TANC2: variants seen among roughly 807,000 people sequenced by gnomAD.
TANC2 encodes protein TANC2.
In TANC2, 26 loss-of-function variants were observed where a neutral mutation model predicts 210.5. That is an observed-to-expected ratio of 0.12 (90% CI 0.09 to 0.17). TANC2 has a LOEUF of 0.17. Among genes scored for constraint, TANC2 ranks in the 10% least tolerant of loss-of-function variants. TANC2 has a pLI of 1.00. For missense variants in TANC2, 2,129 were observed against 2,608.9 expected (o/e 0.82, Z 4.01); for synonymous variants, 931 against 967.1 (o/e 0.96, Z 0.69).
chr17:63,074,187 T>C (rs2036496723), intron 3 of TANC2, among the ~76,000 whole-genome samples, 173 bp downstream of exon 3: 1 of 152,156 alleles, frequency 6.6e-6, no homozygotes, highest in African/African-American at 2.4e-5. Context: ...ATTCAAGATA[T>C]ATGAAAATTA....
chr17:63,226,973 G>A (rs779918420), intron 7 of TANC2, among the ~76,000 whole-genome samples: 1 of 152,118 alleles, frequency 6.6e-6, no homozygotes, highest in African/African-American at 2.4e-5. Context: ...TGGTGTATAT[G>A]TACCACATTT....
At chr17:63,175,158 C>T (rs1333753577) in intron 5 of TANC2, among the ~76,000 whole-genome samples, 11 of 152,050 alleles carry the variant, frequency 7.2e-5, no homozygotes, top group South Asian at 6.2e-4. Context: ...AAAAGGATAA[C>T]GAAGTTTAAA....
intron 9 of TANC2, among the ~76,000 whole-genome samples, chr17:63,292,640 G>A (rs72845246): frequency 0.14 from 21,531 of 152,140 alleles, 1,967 homozygotes; most frequent in Middle Eastern, 0.21. Context: ...CTCAAAAAGG[G>A]CCAATATGTT....
rs532060212 is a variant in TANC2 at position 63,316,327 on chromosome 17, A to G, written c.1441+1658A>G. On this transcript the variant is annotated intron_variant, in intron 10 of 27. Coordinates refer to ENST00000689528, the Ensembl canonical transcript of TANC2. ...CAAGCTCTCTGTGACTCCTCTGTAT[A>G]TCAGAGTTGCAGATAACAGAGTGGT... Among the ~76,000 whole-genome samples, 3 of 152,282 alleles carry G rather than the reference A, an allele frequency of 2.0e-5. No individual in the cohort carries two copies. In the South Asian group the frequency reaches 6.2e-4, roughly 32 times the overall value.
At chr17:63,009,543 A>T in exon 2 of TANC2, 1 of 1,609,484 alleles carries the variant, frequency 6.2e-7, no homozygotes, top group Non-Finnish European at 8.5e-7. Flanking sequence ...ACAGTTTTGC[A>T]GTAGAAGAGT....
intron 11 of TANC2, among the ~76,000 whole-genome samples, chr17:63,322,391 G>C (rs1024734928): frequency 2.6e-5 from 4 of 152,052 alleles, no homozygotes; most frequent in African/African-American, 9.7e-5. Flanking sequence ...CCAGCTACTC[G>C]GGAGGCTGAG....
chr17:63,173,811 A>C (rs551518398), intron 5 of TANC2, among the ~76,000 whole-genome samples: 1 of 152,300 alleles, frequency 6.6e-6, no homozygotes, highest in East Asian at 1.9e-4. Context: ...ACACAAAATA[A>C]ATTTTTTAAT....
intron 6 of TANC2, 53 bp downstream of exon 6, chr17:63,194,192 GCCAGAAATAATCCCAATTGTTGAATGC>G: frequency 6.5e-7 from 1 of 1,549,356 alleles, no homozygotes; most frequent in Admixed American, 1.9e-5. Context: ...AGCTTATTAT[GCCAGAAATAATCCCAATTGTTGAATGC>G]CTTTTGAGGC....
chr17:63,203,736 G>C (rs1346322685), intron 7 of TANC2, among the ~76,000 whole-genome samples: 1 of 152,048 alleles, frequency 6.6e-6, no homozygotes, highest in Non-Finnish European at 1.5e-5. Context: ...CAAAATCTTA[G>C]AGCACATTCA....
At chr17:63,118,081 A>G (rs2038321011) in intron 4 of TANC2, among the ~76,000 whole-genome samples, 1 of 152,202 alleles carries the variant, frequency 6.6e-6, no homozygotes, top group African/African-American at 2.4e-5. Context: ...GTTAGATTGC[A>G]ATTCCAGAAT....
chr17:63,043,277 T>C (rs1207426545), intron 2 of TANC2, among the ~76,000 whole-genome samples: 1 of 152,128 alleles, frequency 6.6e-6, no homozygotes, highest in Non-Finnish European at 1.5e-5. Flanking sequence ...CATAGTATAA[T>C]GCCCCATCAC....
chr17:63,371,328 T>C (rs1350350518), intron 14 of TANC2, among the ~76,000 whole-genome samples: 1 of 152,094 alleles, frequency 6.6e-6, no homozygotes, highest in Non-Finnish European at 1.5e-5. Context: ...GAGCCAGGCG[T>C]GGTGGCGTGC....
At chr17:63,015,562 G>A (rs1426236961) in intron 2 of TANC2, among the ~76,000 whole-genome samples, 2 of 151,812 alleles carry the variant, frequency 1.3e-5, no homozygotes, top group Non-Finnish European at 2.9e-5. Flanking sequence ...GTGAGAACAT[G>A]TGGTGTTTGG....
chr17:63,422,196 CCAA>C, exon 28 of TANC2: 1 of 463,256 alleles, frequency 2.2e-6, no homozygotes, highest in East Asian at 3.9e-5. Context: ...TCTTCAGATG[CCAA>C]CGAGGAGATT....
At chr17:63,273,307 A>C (rs897486398) in intron 9 of TANC2, among the ~76,000 whole-genome samples, 1 of 152,116 alleles carries the variant, frequency 6.6e-6, no homozygotes, top group Non-Finnish European at 1.5e-5. Flanking sequence ...TTAAAAAATT[A>C]TTGAGCTTAT....
At chr17:63,192,487 A>G (rs927681441) in intron 5 of TANC2, among the ~76,000 whole-genome samples, 5 of 152,218 alleles carry the variant, frequency 3.3e-5, no homozygotes, top group Non-Finnish European at 7.3e-5. Context: ...GCTATGAGCA[A>G]TATGCCTATT....
intron 8 of TANC2, among the ~76,000 whole-genome samples, chr17:63,260,761 CAA>C (rs745741190): frequency 4.7e-5 from 6 of 126,492 alleles, no homozygotes; most frequent in Admixed American, 1.6e-4. Context: ...GACCCTGTCT[CAA>C]AAAAAAAAAA....
chr17:63,120,870 A>G (rs537178904), intron 4 of TANC2: 2 of 151,222 alleles, frequency 1.3e-5, no homozygotes, highest in Non-Finnish European at 2.9e-5. Context: ...ATAACATACA[A>G]CTGGGTAAAA....
chr17:63,160,107 A>G (rs1205027664), intron 5 of TANC2, among the ~76,000 whole-genome samples: 3 of 152,214 alleles, frequency 2.0e-5, no homozygotes, highest in Admixed American at 2.0e-4. Flanking sequence ...CACTAATCCT[A>G]TTTGGATCAG....
Sources: gnomAD v4.1 joint callset for allele counts (sites outside exome capture counted in the v4.1 genomes callset) on GRCh38, gnomAD v4.1.1 for gene constraint, MANE v1.5 for transcripts, NCBI Gene and HGNC (gene_info 2026-07-23, HGNC 2026-07-21) for gene names.